Variants in DNAJC15 observed in about 807,000 individuals in gnomAD.
DNAJC15 encodes the protein DnaJ heat shock protein family (Hsp40) member C15.
Under a neutral mutation model 22.4 loss-of-function variants are expected in DNAJC15, and 27 were observed. The observed-to-expected ratio is 1.20, with a 90% confidence interval of 0.89 to 1.66. The LOEUF (loss-of-function observed/expected upper bound fraction) is 1.66, where lower values mean the gene tolerates loss of function less well. DNAJC15 is among the 40% of genes most tolerant of loss of function. The pLI, the probability that DNAJC15 is intolerant of heterozygous loss-of-function variation, is 0.00. For missense variants in DNAJC15, 208 were observed against 187.1 expected (o/e 1.11, Z -0.65); for synonymous variants, 79 against 63.2 (o/e 1.25, Z -1.19).
intron 1 of DNAJC15, among the ~76,000 whole-genome samples, chr13:43,026,106 A>G (rs74060453): frequency 0.043 from 6,536 of 152,254 alleles, 375 homozygotes; most frequent in East Asian, 0.14. Flanking sequence ...CAGAAGGACC[A>G]TTGTTCTTTA....
chr13:43,107,175 C>T lies in DNAJC15; in HGVS notation c.383-3C>T. On this transcript the variant is annotated splice_polypyrimidine_tract_variant and splice_region_variant and intron_variant, in intron 5 of 5. Coordinates refer to ENST00000379221, the MANE Select transcript of DNAJC15 (RefSeq NM_013238.3). ...TTTAATTCATTTTTCTTTGTTCTCTCAGGTGGATCTCCTTACGTAGCAGCC... is the reference window on the plus strand; with the variant it reads ...TTTAATTCATTTTTCTTTGTTCTCTTAGGTGGATCTCCTTACGTAGCAGCC... 6.4e-7 allele frequency: 1 copy of T among 1,563,066 alleles called. No individual in the cohort carries two copies. The highest frequency in any genetic ancestry group is 8.6e-7 in the Non-Finnish European group (1 of 1,159,978).
At position 43,108,156 on chromosome 13, in the gene DNAJC15, A is replaced by G. The variant is rs1259658322; in HGVS notation, c.*908A>G. 1 of 152,514 alleles carries G rather than the reference A, an allele frequency of 6.6e-6. No homozygotes were observed. The highest frequency in any genetic ancestry group is 1.5e-5 in the Non-Finnish European group (1 of 68,024). The allele number at this position is 152,514 out of a possible 1,614,324, so 9.4% of individuals were successfully genotyped here. A position where few individuals can be genotyped will look rare whatever the true frequency, so the allele number is the denominator to read the frequency against. On this transcript the variant is annotated 3_prime_UTR_variant, in exon 6 of 6. Coordinates refer to ENST00000379221, the MANE Select transcript of DNAJC15 (RefSeq NM_013238.3). The stretch of plus-strand genomic sequence containing the variant: ...GTTCAAAGGAAGAAAAGAATGTGTT[A>G]AACACTGCATGAGAGGAGGAATAAG...
chr13:43,048,450 C>T (rs1241735550), intron 1 of DNAJC15, among the ~76,000 whole-genome samples: 1 of 152,234 alleles, frequency 6.6e-6, no homozygotes, highest in African/African-American at 2.4e-5. Context: ...CGAGATTGCG[C>T]CATTGCGCTC....
At chr13:43,042,558 G>GA (rs1301339020) in intron 1 of DNAJC15, among the ~76,000 whole-genome samples, 1 of 152,156 alleles carries the variant, frequency 6.6e-6, no homozygotes, top group African/African-American at 2.4e-5. Context: ...CTCCCAAACT[G>GA]AAAGCCAGCA....
rs369901832 is a variant in DNAJC15, at chr13:43,028,069, T to G, written c.108+4335T>G. On this transcript the variant is annotated intron_variant, in intron 1 of 5. Transcript: ENST00000379221. ...TATGTATTTCTAGCATTTATAATGG[T>G]GCCTGATGTGTGGTAAACATTCCAA... Among the ~76,000 whole-genome samples, 37 of 152,346 alleles carry G rather than the reference T, an allele frequency of 2.4e-4. No homozygotes were observed. The South Asian group carries it at 7.3e-3, about 30-fold the overall frequency.
intron 1 of DNAJC15, among the ~76,000 whole-genome samples, chr13:43,046,863 GATCCA>G (rs948637593): frequency 1.3e-5 from 2 of 151,964 alleles, no homozygotes; most frequent in Admixed American, 1.3e-4. Context: ...CTGCGTTTCT[GATCCA>G]GTGAGGTGCA....
At chr13:43,081,791 A>G (rs2040663219) in intron 4 of DNAJC15, among the ~76,000 whole-genome samples, 1 of 152,068 alleles carries the variant, frequency 6.6e-6, no homozygotes. Flanking sequence ...TTTATAAACT[A>G]TATTAGTCCA....
intron 1 of DNAJC15, among the ~76,000 whole-genome samples, chr13:43,033,696 C>T (rs1008205788): frequency 2.6e-5 from 4 of 152,130 alleles, no homozygotes; most frequent in Admixed American, 2.6e-4. Flanking sequence ...CATGATTATA[C>T]TGGGGTTTTA....
At chr13:43,069,744 C>T (rs1170307757) in intron 3 of DNAJC15, among the ~76,000 whole-genome samples, 1 of 152,070 alleles carries the variant, frequency 6.6e-6, no homozygotes, top group Non-Finnish European at 1.5e-5. Flanking sequence ...TGCTGCAAAC[C>T]AAGTTGATCA....
rs2040814340 is a variant in DNAJC15 at position 43,109,478 on chromosome 13, T to C, written c.*2230T>C. ...ATATTGGGGCACCCTCAGATGCACC[T>C]TTTAATTGATGTCATATTTTCCTAA... On this transcript the variant is annotated 3_prime_UTR_variant, in exon 6 of 6. Transcript: ENST00000379221. 6.6e-6 allele frequency: 1 copy of C among 152,226 alleles called. No homozygotes were observed. Among genetic ancestry groups the C allele is most frequent in the African/African-American group, 2.4e-5 (1 of 41,456 alleles). The allele number at this position is 152,226 out of a possible 1,614,324, so 9.4% of individuals were successfully genotyped here.
intron 1 of DNAJC15, among the ~76,000 whole-genome samples, chr13:43,052,192 T>C (rs1373729732): frequency 1.3e-5 from 2 of 151,914 alleles, no homozygotes; most frequent in African/African-American, 2.4e-5. Context: ...CTCGATCTCC[T>C]GACCTTGTGA....
intron 1 of DNAJC15, among the ~76,000 whole-genome samples, chr13:43,024,988 G>T (rs1334059546): frequency 6.6e-6 from 1 of 151,546 alleles, no homozygotes; most frequent in African/African-American, 2.4e-5. Flanking sequence ...TTGAGCCCAG[G>T]AGTTGAGGTT....
At position 43,064,532 on chromosome 13, in the gene DNAJC15, A is replaced by G. The variant is rs550730375; in HGVS notation, c.109-1154A>G. On this transcript the variant is annotated intron_variant, in intron 1 of 5. Transcript: ENST00000379221. ...GGATTTGCCTCTCCCACCATTTATC[A>G]GACAAAAATGTTTCTGTGGTTTCAC... is the stretch of plus-strand genomic sequence containing the variant. Among the ~76,000 whole-genome samples the G allele has an allele frequency of 2.6e-5, 4 of 152,352 alleles. No individual in the cohort carries two copies. In the East Asian group the frequency reaches 7.7e-4, roughly 29 times the overall value.
intron 1 of DNAJC15, among the ~76,000 whole-genome samples, chr13:43,033,853 A>G (rs950511520): frequency 6.6e-6 from 1 of 151,908 alleles, no homozygotes; most frequent in Non-Finnish European, 1.5e-5. Context: ...ACATGGCAAA[A>G]CCCGTCTCTA....
chr13:43,051,100 G>A (rs1231995053), intron 1 of DNAJC15, among the ~76,000 whole-genome samples: 1 of 151,934 alleles, frequency 6.6e-6, no homozygotes, highest in African/African-American at 2.4e-5. Context: ...TCAGCCTCCC[G>A]AGTAGCTGGG....
At chr13:43,095,273 T>C (rs1489469082) in intron 5 of DNAJC15, among the ~76,000 whole-genome samples, 6 of 152,178 alleles carry the variant, frequency 3.9e-5, no homozygotes, top group Non-Finnish European at 7.4e-5. Context: ...TACTGCTGCT[T>C]GATTTGATAC....
intron 5 of DNAJC15, 145 bp downstream of exon 5, chr13:43,085,983 A>C: frequency 5.9e-6 from 4 of 683,362 alleles, no homozygotes; most frequent in Non-Finnish European, 9.5e-6. Flanking sequence ...ATGAGCATTT[A>C]GGTTGGAGTT....
chr13:43,100,828 G>A (rs1364661843), intron 5 of DNAJC15, among the ~76,000 whole-genome samples: 1 of 152,080 alleles, frequency 6.6e-6, no homozygotes, highest in African/African-American at 2.4e-5. Flanking sequence ...TCTTTTGTGT[G>A]GTTGTTCTGT....
chr13:43,099,159 T>C (rs2153442167), intron 5 of DNAJC15, among the ~76,000 whole-genome samples: 1 of 152,318 alleles, frequency 6.6e-6, no homozygotes, highest in Admixed American at 6.5e-5. Context: ...CTATTGTGAA[T>C]GGAATTATTT....
Sources: allele counts gnomAD v4.1 joint callset (sites outside exome capture counted in the v4.1 genomes callset), GRCh38; gene constraint gnomAD v4.1.1; transcripts MANE v1.5; gene names NCBI Gene and HGNC (gene_info 2026-07-23, HGNC 2026-07-21).